The following COL19A1 variants were observed in gnomAD, a reference collection of about 807,000 sequenced individuals.
COL19A1 encodes the protein collagen type XIX alpha 1 chain, also known as collagen alpha-1(XIX) chain.
A neutral mutation model predicts 190.2 loss-of-function variants in COL19A1; 159 were observed. The observed-to-expected ratio is 0.84, with a 90% confidence interval of 0.73 to 0.95. COL19A1 has a LOEUF of 0.95. Among genes scored for constraint, COL19A1 ranks in the 40% least tolerant of loss-of-function variants. The probability of loss-of-function intolerance (pLI) is 0.00; values close to 1 mark genes in which losing one functional copy is unlikely to be tolerated. For synonymous variants in COL19A1, 509 were observed against 458.9 expected (o/e 1.11, Z -1.39); for missense variants, 1,418 against 1,431.9 (o/e 0.99, Z 0.16).
chr6:69,892,778 C>A (rs1303714878), intron 2 of COL19A1, among the ~76,000 whole-genome samples: 1 of 152,186 alleles, frequency 6.6e-6, no homozygotes, highest in Non-Finnish European at 1.5e-5. Flanking sequence ...GGGTATGAGG[C>A]AACTGGGCTT....
At chr6:70,137,016 G>A (rs112552610) in intron 18 of COL19A1, among the ~76,000 whole-genome samples, 1 of 152,116 alleles carries the variant, frequency 6.6e-6, no homozygotes, top group Non-Finnish European at 1.5e-5. Context: ...AGTCTCATTA[G>A]TGATATAACT....
In COL19A1 at chr6:69,900,220, C is replaced by T. The variant is rs983928331; in HGVS notation, c.167-19C>T. On this transcript the variant is annotated intron_variant, in intron 3 of 50. Transcript: ENST00000620364. ...TTTCTATTAGTTTATTAAATTGAAT[C>T]ATCTGTTACATTTTACAGGTTTTGA... 12 of 1,427,684 alleles carry T rather than the reference C, an allele frequency of 8.4e-6. No individual in the cohort carries two copies. Among genetic ancestry groups the T allele is most frequent in the Non-Finnish European group, 1.2e-5 (12 of 1,041,176 alleles). 88.4% of individuals were successfully genotyped at this position (1,427,684 alleles called of 1,614,324 possible).
Position 69,879,591 on chromosome 6 carries a change from A to G in COL19A1, c.24A>G (p.Lys8=), listed in dbSNP as rs1219022745. 6.2e-7 allele frequency: 1 copy of G among 1,613,964 alleles called. No individual in the cohort carries two copies. The highest frequency in any genetic ancestry group is 1.3e-5 in the African/African-American group (1 of 74,906). The change falls in exon 2 of 51, where the codon AAA becomes AAG. Residue 8 remains lysine, a synonymous_variant. Transcript: ENST00000620364. MRLTGPW[K]LWLWMSIFLL... ...CAATGAGACTCACTGGCCCTTGGAAACTTTGGCTTTGGATGTCAATATTTC... is the reference window on the plus strand; with the variant it reads ...CAATGAGACTCACTGGCCCTTGGAAGCTTTGGCTTTGGATGTCAATATTTC...
chr6:69,952,013 G>C (rs1197140177), intron 9 of COL19A1, among the ~76,000 whole-genome samples: 2 of 151,872 alleles, frequency 1.3e-5, no homozygotes, highest in Non-Finnish European at 2.9e-5. Flanking sequence ...CCAGTTTAGT[G>C]AGTGAACTGC....
chr6:69,975,017 G>T (rs2150058933), intron 11 of COL19A1, among the ~76,000 whole-genome samples: 1 of 152,056 alleles, frequency 6.6e-6, no homozygotes, highest in Middle Eastern at 3.4e-3. Context: ...GTTTCACCAT[G>T]CTAGCCAGGA....
intron 48 of COL19A1, among the ~76,000 whole-genome samples, chr6:70,192,591 A>G (rs1027971519): frequency 2.6e-5 from 4 of 151,932 alleles, no homozygotes; most frequent in Non-Finnish European, 5.9e-5. Flanking sequence ...GGAAGTTTGA[A>G]AAAAAGGCAA....
chr6:70,117,470 G>T (rs1199053125), intron 16 of COL19A1, among the ~76,000 whole-genome samples: 1 of 152,188 alleles, frequency 6.6e-6, no homozygotes, highest in African/African-American at 2.4e-5. Context: ...TCCACCTCCA[G>T]CAAGATTTAA....
At chr6:70,001,251 A>G (rs1777246106) in intron 11 of COL19A1, among the ~76,000 whole-genome samples, 1 of 152,190 alleles carries the variant, frequency 6.6e-6, no homozygotes, top group African/African-American at 2.4e-5. Flanking sequence ...TACCAGTATC[A>G]TGCTGTTTTG....
intron 34 of COL19A1, among the ~76,000 whole-genome samples, chr6:70,159,966 A>G (rs1159477304): frequency 2.0e-5 from 3 of 152,112 alleles, no homozygotes; most frequent in African/African-American, 7.2e-5. Flanking sequence ...TTTTTCTCAT[A>G]ATAGAAGTGA....
intron 36 of COL19A1, among the ~76,000 whole-genome samples, chr6:70,164,942 A>G (rs76431522): frequency 0.019 from 2,831 of 152,336 alleles, 90 homozygotes; most frequent in African/African-American, 0.064. Context: ...AGATTTTATG[A>G]TACTTTCGTT....
At chr6:70,171,183 CGTTAGT>C (rs1036559598) in intron 40 of COL19A1, among the ~76,000 whole-genome samples, 4 of 152,144 alleles carry the variant, frequency 2.6e-5, no homozygotes, top group African/African-American at 9.7e-5. Context: ...CATCAGCTAT[CGTTAGT>C]GTTAGTGTAT....
chr6:69,965,438 A>AG (rs1775035253), intron 11 of COL19A1, among the ~76,000 whole-genome samples: 1 of 152,214 alleles, frequency 6.6e-6, no homozygotes, highest in Non-Finnish European at 1.5e-5. Flanking sequence ...GCTAAAAAAA[A>AG]CTAGCTTTCA....
chr6:69,900,224 T>G lies in COL19A1; in HGVS notation c.167-15T>G. Reference sequence around the variant, plus strand: ...TATTAGTTTATTAAATTGAATCATCTGTTACATTTTACAGGTTTTGATCTA... The same window carrying G: ...TATTAGTTTATTAAATTGAATCATCGGTTACATTTTACAGGTTTTGATCTA... On this transcript the variant is annotated splice_polypyrimidine_tract_variant and intron_variant, in intron 3 of 50. Transcript: ENST00000620364. 6.8e-7 allele frequency: 1 copy of G among 1,473,888 alleles called. No homozygotes were observed. 91.3% of individuals were successfully genotyped at this position (1,473,888 alleles called of 1,614,324 possible).
At chr6:69,908,346 A>G (rs760130484) in intron 4 of COL19A1, among the ~76,000 whole-genome samples, 2 of 151,682 alleles carry the variant, frequency 1.3e-5, no homozygotes, top group Non-Finnish European at 2.9e-5. Context: ...TTGTGTAGAT[A>G]GGAATTTTCC....
At chr6:70,188,377 G>T (rs1766659759) in intron 47 of COL19A1, 132 bp downstream of exon 47, 2 of 1,074,150 alleles carry the variant, frequency 1.9e-6, no homozygotes, top group Admixed American at 6.8e-5. Context: ...GGCAATAATA[G>T]CTGTCATTTA....
At chr6:69,933,720 G>T (rs930997262) in intron 7 of COL19A1, among the ~76,000 whole-genome samples, 2 of 151,950 alleles carry the variant, frequency 1.3e-5, no homozygotes, top group Admixed American at 6.6e-5. Flanking sequence ...ATTACTAGGT[G>T]TAACTATATT....
intron 2 of COL19A1, among the ~76,000 whole-genome samples, chr6:69,887,563 A>G (rs1769026991): frequency 6.6e-6 from 1 of 152,126 alleles, no homozygotes; most frequent in African/African-American, 2.4e-5. Flanking sequence ...CCTAGTTAAC[A>G]TTTCACCAAG....
At chr6:69,877,866 A>C (rs1768233287) in intron 1 of COL19A1, among the ~76,000 whole-genome samples, 1 of 152,012 alleles carries the variant, frequency 6.6e-6, no homozygotes, top group Non-Finnish European at 1.5e-5. Context: ...TTAGCTGGGC[A>C]TAGTGGCAAG....
chr6:69,902,539 C>T (rs914499603), intron 4 of COL19A1, among the ~76,000 whole-genome samples: 4 of 152,142 alleles, frequency 2.6e-5, no homozygotes, highest in Admixed American at 6.5e-5. Flanking sequence ...AAGGGTAAAT[C>T]GTGAGTCTCA....
Sources: gnomAD v4.1 joint callset for allele counts (sites outside exome capture counted in the v4.1 genomes callset) on GRCh38, gnomAD v4.1.1 for gene constraint, MANE v1.5 for transcripts, NCBI Gene and HGNC (gene_info 2026-07-23, HGNC 2026-07-21) for gene names.